CERKL: variants seen among roughly 807,000 people sequenced by gnomAD.
CERKL encodes the protein CERK like autophagy regulator.
In CERKL, 61 loss-of-function variants were observed where a neutral mutation model predicts 63.4. The observed-to-expected ratio is 0.96, with a 90% CI of 0.78 to 1.19. The LOEUF is 1.19. Ranked by LOEUF, CERKL falls within the 50% of genes most tolerant of loss-of-function variation. The pLI is 0.00. For missense variants in CERKL, 675 were observed against 655.5 expected, an observed-to-expected ratio of 1.03 and a Z score of -0.33; for synonymous variants, 250 against 230.5, an observed-to-expected ratio of 1.08 and a Z score of -0.77.
At chr2:181,582,363 G>A (rs59622136) in intron 2 of CERKL, among the ~76,000 whole-genome samples, 50,803 of 151,670 alleles carry the variant, frequency 0.33, 8,955 homozygotes, top group African/African-American at 0.43. Context: ...GTGGTGAAGA[G>A]GAAAAAGCAA....
intron 1 of CERKL, among the ~76,000 whole-genome samples, chr2:181,614,780 T>C (rs546704079): frequency 6.6e-6 from 1 of 152,286 alleles, no homozygotes; most frequent in South Asian, 2.1e-4. Flanking sequence ...CCACATACTT[T>C]GGGGCATGTA....
chr2:181,608,172 CTTT>C (rs1030556345), intron 1 of CERKL, among the ~76,000 whole-genome samples: 9 of 145,038 alleles, frequency 6.2e-5, no homozygotes, highest in African/African-American at 2.0e-4. Flanking sequence ...ACCCAGCTCA[CTTT>C]TTTTTTTTTA....
chr2:181,567,011 G>A (rs1396476158), intron 3 of CERKL, among the ~76,000 whole-genome samples: 1 of 151,996 alleles, frequency 6.6e-6, no homozygotes, highest in African/African-American at 2.4e-5. Context: ...TGCCAGCATG[G>A]TTCAAGCTTT....
chr2:181,622,791 C>A (rs12328256), intron 1 of CERKL, among the ~76,000 whole-genome samples: 55,537 of 151,992 alleles, frequency 0.37, 11,340 homozygotes, highest in South Asian at 0.67. Flanking sequence ...AAATGTTAAA[C>A]AATTTATTAT....
At chr2:181,580,928 G>A (rs1684477037) in intron 2 of CERKL, among the ~76,000 whole-genome samples, 1 of 152,080 alleles carries the variant, frequency 6.6e-6, no homozygotes, top group Admixed American at 6.6e-5. Flanking sequence ...TTTCTTTGGT[G>A]TTAATTGATC....
chr2:181,628,372 G>A (rs915857342), intron 1 of CERKL, among the ~76,000 whole-genome samples: 2 of 152,162 alleles, frequency 1.3e-5, no homozygotes, highest in Non-Finnish European at 1.5e-5. Context: ...GCCTTGGAAT[G>A]GAAGAGATAA....
intron 1 of CERKL, among the ~76,000 whole-genome samples, chr2:181,604,350 G>C (rs1685589047): frequency 1.3e-5 from 2 of 152,054 alleles, no homozygotes; most frequent in South Asian, 4.1e-4. Context: ...TAAAAATTGT[G>C]ACCATATCTT....
intron 1 of CERKL, among the ~76,000 whole-genome samples, chr2:181,605,489 T>C (rs1685638555): frequency 6.6e-6 from 1 of 152,186 alleles, no homozygotes; most frequent in Non-Finnish European, 1.5e-5. Context: ...GAAATTCATA[T>C]GACATTATGG....
intron 1 of CERKL, among the ~76,000 whole-genome samples, chr2:181,654,787 T>G (rs1163226590): frequency 6.6e-6 from 1 of 152,208 alleles, no homozygotes; most frequent in East Asian, 1.9e-4. Flanking sequence ...TTTTTGTTTG[T>G]TTGTTGTGCT....
rs1380293802 is a variant in CERKL at position 181,537,079 on chromosome 2, G to GAGTGTGTATACACAGGAATAAACTTT, written c.*1079_*1104dup. On this transcript the variant is annotated 3_prime_UTR_variant, in exon 13 of 13. Transcript: ENST00000410087. ...GTAAGCACAAAACCTCCTGAACCCAGAGTGTGTATACACAGGAATAAACTT... is the reference window on the plus strand; with the variant it reads ...GTAAGCACAAAACCTCCTGAACCCAGAGTGTGTATACACAGGAATAAACTTTAGTGTGTATACACAGGAATAAACTT... 4 of 447,230 alleles carry GAGTGTGTATACACAGGAATAAACTTT rather than the reference G, an allele frequency of 8.9e-6. No individual in the cohort carries two copies. In the Admixed American group the frequency reaches 9.6e-5, roughly 11 times the overall value. The allele number at this position is 447,230 out of a possible 1,614,324, so 27.7% of individuals were successfully genotyped here.
chr2:181,557,359 T>C (rs528192799), intron 5 of CERKL, among the ~76,000 whole-genome samples: 26 of 152,278 alleles, frequency 1.7e-4, no homozygotes, highest in Non-Finnish European at 2.9e-4. Flanking sequence ...TCTTCTAGGG[T>C]TTTTATGGTT....
intron 3 of CERKL, among the ~76,000 whole-genome samples, chr2:181,567,378 C>T (rs1183838033): frequency 1.3e-5 from 2 of 152,074 alleles, no homozygotes; most frequent in African/African-American, 4.8e-5. Context: ...AATCAGTTCA[C>T]CAAGCCTTAC....
At chr2:181,552,951 G>C (rs1449256) in intron 5 of CERKL, among the ~76,000 whole-genome samples, 59,662 of 151,948 alleles carry the variant, frequency 0.39, 12,521 homozygotes, top group African/African-American at 0.53. Flanking sequence ...TAGATCCCCA[G>C]GTGGTTTGTA....
intron 2 of CERKL, among the ~76,000 whole-genome samples, chr2:181,578,199 TATATATATACACAC>T (rs1236584374): frequency 6.6e-6 from 1 of 151,688 alleles, no homozygotes; most frequent in African/African-American, 2.4e-5. Flanking sequence ...TACACACACG[TATATATATACACAC>T]ATATATATAC....
Position 181,565,371 on chromosome 2 carries a change from A to G in CERKL, c.677+687T>C. The G allele has an allele frequency of 2.5e-6, 3 of 1,176,504 alleles. No homozygotes were observed. In the South Asian group the frequency reaches 3.6e-5, roughly 14 times the overall value. 72.9% of individuals were successfully genotyped at this position (1,176,504 alleles called of 1,614,324 possible). On this transcript the variant is annotated intron_variant, in intron 4 of 12. Coordinates refer to ENST00000410087, the MANE Select transcript of CERKL (RefSeq NM_201548.5). Reference sequence around the variant, plus strand: ...ATGTTTTAGTCTTACACATCAGTCCAACACTTTAGCAAATTGGTTCACCTA... The same window carrying G: ...ATGTTTTAGTCTTACACATCAGTCCGACACTTTAGCAAATTGGTTCACCTA...
chr2:181,542,902 A>T (rs531891289), intron 11 of CERKL, among the ~76,000 whole-genome samples: 2 of 142,186 alleles, frequency 1.4e-5, no homozygotes, highest in African/African-American at 4.9e-5. Flanking sequence ...ATATTGATTT[A>T]AAAAAATGAA....
chr2:181,633,529 T>C (rs948890158), intron 1 of CERKL, among the ~76,000 whole-genome samples: 4 of 152,176 alleles, frequency 2.6e-5, no homozygotes, highest in Non-Finnish European at 5.9e-5. Flanking sequence ...AAAATAAATT[T>C]GGAAAGGTAG....
intron 1 of CERKL, among the ~76,000 whole-genome samples, chr2:181,639,659 G>C (rs573596708): frequency 6.6e-6 from 1 of 152,254 alleles, no homozygotes; most frequent in South Asian, 2.1e-4. Flanking sequence ...ACTCTTGCTT[G>C]CTTAACTGGG....
At chr2:181,593,714 A>C (rs1340262802) in intron 2 of CERKL, among the ~76,000 whole-genome samples, 1 of 152,022 alleles carries the variant, frequency 6.6e-6, no homozygotes, top group Non-Finnish European at 1.5e-5. Context: ...AACCAAATTT[A>C]TCAGTTTCTC....
Sources: gnomAD v4.1 joint callset for allele counts (sites outside exome capture counted in the v4.1 genomes callset) on GRCh38, gnomAD v4.1.1 for gene constraint, MANE v1.5 for transcripts, NCBI Gene and HGNC (gene_info 2026-07-23, HGNC 2026-07-21) for gene names.